Variants in DKK3 observed in about 807,000 individuals in gnomAD.
DKK3 encodes the protein dickkopf Wnt signaling pathway inhibitor 3.
A neutral mutation model predicts 33.2 loss-of-function variants in DKK3; 22 were observed. The observed-to-expected ratio is 0.66, with a 90% CI of 0.47 to 0.95. The LOEUF (loss-of-function observed/expected upper bound fraction) is 0.95, where lower values mean the gene tolerates loss of function less well. Ranked by LOEUF, DKK3 falls within the 40% of genes least tolerant of loss-of-function variation. The pLI is 0.00. For synonymous variants in DKK3, 194 were observed against 188.8 expected (o/e 1.03, Z -0.23); for missense variants, 398 against 458.4 (o/e 0.87, Z 1.20).
intron 6 of DKK3, 66 bp from the exon 7 acceptor site, chr11:11,964,752 G>C (rs750821593): frequency 6.4e-7 from 1 of 1,554,546 alleles, no homozygotes; most frequent in Admixed American, 1.9e-5. Context: ...AAGCTAAGGC[G>C]CCCTGACTCT....
At chr11:11,972,965 A>G (rs1371937108) in intron 3 of DKK3, among the ~76,000 whole-genome samples, 1 of 151,674 alleles carries the variant, frequency 6.6e-6, no homozygotes, top group Non-Finnish European at 1.5e-5. Context: ...GAGGGAAGGC[A>G]GGGGCTCTGG....
At chr11:11,991,366 G>A (rs1056939812) in intron 3 of DKK3, among the ~76,000 whole-genome samples, 6 of 152,140 alleles carry the variant, frequency 3.9e-5, no homozygotes, top group Non-Finnish European at 5.9e-5. Context: ...GGTCATGGGG[G>A]CAGATCCCTT....
chr11:11,971,042 T>A (rs1470426269), intron 3 of DKK3, among the ~76,000 whole-genome samples: 1 of 152,114 alleles, frequency 6.6e-6, no homozygotes. Flanking sequence ...TTTTTTTTTT[T>A]TTTTTGCAGG....
At chr11:11,977,191 G>T (rs1847852038) in intron 3 of DKK3, among the ~76,000 whole-genome samples, 1 of 152,154 alleles carries the variant, frequency 6.6e-6, no homozygotes, top group Non-Finnish European at 1.5e-5. Flanking sequence ...GCACCCCAGG[G>T]TATGGAGAAC....
Position 12,004,344 on chromosome 11 carries a change from G to A in DKK3, c.214-1907C>T, listed in dbSNP as rs1848494759. Among the ~76,000 whole-genome samples the A allele has an allele frequency of 2.0e-5, 3 of 152,078 alleles. 1 individual carries two copies. In the South Asian group the frequency reaches 6.2e-4, roughly 32 times the overall value. On this transcript the variant is annotated intron_variant, in intron 1 of 6. Transcript: ENST00000683431. Reference sequence around the variant, plus strand: ...CTACAGCAAGTTCCAGAAGGCTAGCGGGAAATAATATAAAGAGTAGATCAG... The same window carrying A: ...CTACAGCAAGTTCCAGAAGGCTAGCAGGAAATAATATAAAGAGTAGATCAG...
In DKK3 at chr11:11,988,368, CTG is replaced by C. The variant is rs1298674378; in HGVS notation, c.435+10326_435+10327del. Among the ~76,000 whole-genome samples, 4 of 152,318 alleles carry C rather than the reference CTG, an allele frequency of 2.6e-5. No homozygotes were observed. The East Asian group carries it at 5.8e-4, about 22-fold the overall frequency. ...TCATTTATTAGATTCGGGGGCATGA[CTG>C]TGAATTCCCTGGGAGCATTAAACAT... On this transcript the variant is annotated intron_variant, in intron 3 of 6. Transcript: ENST00000683431.
In DKK3 at chr11:11,964,678, A is replaced by T; in HGVS notation, c.839T>A (p.Leu280Gln). The part of the protein sequence containing the change: ...GLLCQPHSHS[L>Q]VYVCKPTFVG... ...GAAGGTCGGCTTGCACACATACACC[A>T]GGCTGTGGCTGGGGAGAGATGGGAC... is the stretch of plus-strand genomic sequence containing the variant. The change falls in exon 7 of 7, where the codon CTG becomes CAG. Residue 280 changes from leucine to glutamine, a missense_variant. Transcript: ENST00000683431. The T allele has an allele frequency of 6.2e-7, 1 of 1,613,670 alleles. No individual in the cohort carries two copies. The highest frequency in any genetic ancestry group is 1.3e-5 in the African/African-American group (1 of 75,030).
chr11:11,995,089 G>T (rs1197544424), intron 3 of DKK3, among the ~76,000 whole-genome samples: 1 of 152,028 alleles, frequency 6.6e-6, no homozygotes, highest in Non-Finnish European at 1.5e-5. Flanking sequence ...TCTGTTGTTT[G>T]TTTGTTTCTA....
upstream of DKK3, chr11:12,009,710 A>G: frequency 2.0e-6 from 2 of 985,744 alleles, no homozygotes; most frequent in Non-Finnish European, 2.4e-6. Context: ...CTGGCATTCA[A>G]GCCATCACCG....
At chr11:11,970,561 G>A (rs938706492) in intron 3 of DKK3, among the ~76,000 whole-genome samples, 3 of 152,196 alleles carry the variant, frequency 2.0e-5, no homozygotes, top group Non-Finnish European at 4.4e-5. Context: ...CATAGGAAGG[G>A]GAAATTAGAG....
In DKK3 at chr11:12,008,594, G is replaced by A; in HGVS notation, c.-12C>T. The A allele has an allele frequency of 1.4e-6, 2 of 1,389,702 alleles. No homozygotes were observed. The highest frequency in any genetic ancestry group is 1.8e-6 in the Non-Finnish European group (2 of 1,082,158). The allele number at this position is 1,389,702 out of a possible 1,614,324, so 86.1% of individuals were successfully genotyped here. Reference sequence around the variant, plus strand: ...CCAAGCCGCTGCATCTCCGCTCTGCGCCCGCAGCCGCCGCCTGTGTGTCCC... The same window carrying A: ...CCAAGCCGCTGCATCTCCGCTCTGCACCCGCAGCCGCCGCCTGTGTGTCCC... On this transcript the variant is annotated 5_prime_UTR_variant, in exon 1 of 7. Coordinates refer to ENST00000683431, the MANE Select transcript of DKK3 (RefSeq NM_001018057.2). The surrounding 1 kb of genome is among the most constrained non-coding windows in gnomAD (Gnocchi z 4.6).
At position 11,967,014 on chromosome 11, in the gene DKK3, C is replaced by A. The variant is rs748085975; in HGVS notation, c.613G>T (p.Gly205Trp). The change falls in exon 5 of 7, where the codon GGG becomes TGG. Residue 205 changes from glycine (G) to tryptophan (W), a missense_variant. Transcript: ENST00000683431. ...CTKMATRGSN[G>W]TICDNQRDCQ... ...TCCCTCTGGTTGTCACAGATGGTCC[C>A]ATTGCTGCCCCTGGTGGCCATTTTG... 1 of 1,614,088 alleles carries A rather than the reference C, an allele frequency of 6.2e-7. No homozygotes were observed. The highest frequency in any genetic ancestry group is 1.7e-5 in the Admixed American group (1 of 60,028).
intron 3 of DKK3, 91 bp from the exon 4 acceptor site, chr11:11,968,578 C>G (rs1847655822): frequency 8.1e-7 from 1 of 1,231,756 alleles, no homozygotes; most frequent in Non-Finnish European, 1.1e-6. Context: ...CTTCCATTCC[C>G]CATTCTTGAC....
At chr11:11,996,422 A>G (rs1848294830) in intron 3 of DKK3, among the ~76,000 whole-genome samples, 1 of 152,204 alleles carries the variant, frequency 6.6e-6, no homozygotes, top group African/African-American at 2.4e-5. Flanking sequence ...ATGGGAAACT[A>G]GATCTCACTT....
rs551030690 is a variant in DKK3 at position 11,973,376 on chromosome 11, C to G, written c.436-4889G>C. On this transcript the variant is annotated intron_variant, in intron 3 of 6. Coordinates refer to ENST00000683431, the MANE Select transcript of DKK3 (RefSeq NM_001018057.2). Reference sequence around the variant, plus strand: ...TTAGTAGCACCTGCCCGGGACAGGGCTCTGGGCCCCATGCATCCCCAGAGA... The same window carrying G: ...TTAGTAGCACCTGCCCGGGACAGGGGTCTGGGCCCCATGCATCCCCAGAGA... Among the ~76,000 whole-genome samples, 3 of 152,344 alleles carry G rather than the reference C, an allele frequency of 2.0e-5. No homozygotes were observed. The South Asian group carries it at 6.2e-4, about 32-fold the overall frequency.
At chr11:11,990,567 A>G (rs16910299) in intron 3 of DKK3, among the ~76,000 whole-genome samples, 3,562 of 152,320 alleles carry the variant, frequency 0.023, 53 homozygotes, top group African/African-American at 0.034. Context: ...AGTACAGGAC[A>G]TGGTAAAGCA....
At chr11:11,967,292 C>A (rs1472190) in intron 4 of DKK3, among the ~76,000 whole-genome samples, 194 bp from the exon 5 acceptor site, 1 of 152,146 alleles carries the variant, frequency 6.6e-6, no homozygotes, top group Admixed American at 6.5e-5. Context: ...GGGGTCAGAA[C>A]GCTGGAAAAA....
At chr11:12,000,354 G>A (rs12276460) in intron 2 of DKK3, among the ~76,000 whole-genome samples, 3,754 of 152,008 alleles carry the variant, frequency 0.025, 146 homozygotes, top group African/African-American at 0.085. Context: ...CTACAGGTGC[G>A]TGCCACCATG....
intron 3 of DKK3, among the ~76,000 whole-genome samples, chr11:11,973,927 G>A (rs943083590): frequency 3.3e-5 from 5 of 152,190 alleles, no homozygotes; most frequent in Non-Finnish European, 4.4e-5. Context: ...CAGAGGCACC[G>A]CTTCTTTGGG....
Sources: gnomAD v4.1 joint callset for allele counts (sites outside exome capture counted in the v4.1 genomes callset) on GRCh38, gnomAD v4.1.1 for gene constraint, Gnocchi (gnomAD v3.1) non-coding constraint, MANE v1.5 for transcripts, NCBI Gene and HGNC (gene_info 2026-07-23, HGNC 2026-07-21) for gene names.